The following ZNF468 variants were observed in gnomAD, a reference collection of about 807,000 sequenced individuals.
The protein encoded by ZNF468 is zinc finger protein ZNF468.
Under a neutral mutation model 7.2 loss-of-function variants are expected in ZNF468, and 8 were observed. That is an observed-to-expected ratio of 1.11 (90% CI 0.65 to 2.01). The LOEUF is 2.01. Ranked by LOEUF, ZNF468 falls within the 30% of genes most tolerant of loss-of-function variation. The pLI is 0.00. For missense variants in ZNF468, 608 were observed against 626.5 expected, an observed-to-expected ratio of 0.97 and a Z score of 0.31; for synonymous variants, 218 against 214.4, an observed-to-expected ratio of 1.02 and a Z score of -0.15.
At chr19:52,857,233 A>G (rs759009295) in intron 1 of ZNF468, among the ~76,000 whole-genome samples, 1,990 of 150,254 alleles carry the variant, frequency 0.013, 29 homozygotes, top group South Asian at 0.027. Flanking sequence ...CCAGGAGAGT[A>G]AGGCTGGGAG....
chr19:52,852,847 T>A (rs558480020), intron 2 of ZNF468, among the ~76,000 whole-genome samples: 23 of 146,160 alleles, frequency 1.6e-4, no homozygotes, highest in East Asian at 1.2e-3. Flanking sequence ...AATTTTTTTT[T>A]AATTTACAAT....
chr19:52,843,279 G>A lies in ZNF468; in HGVS notation c.143-1128C>T, dbSNP rs539266688. Among the ~76,000 whole-genome samples the A allele has an allele frequency of 2.5e-4, 38 of 152,004 alleles. No individual in the cohort carries two copies. In the South Asian group the frequency reaches 5.2e-3, roughly 21 times the overall value. ...GATAGAGTCTCACTCTGTCACCCAG[G>A]CTGGAATGCGATGGCACGATCTTGG... On this transcript the variant is annotated intron_variant, in intron 3 of 3. Transcript: ENST00000595646.
At chr19:52,844,617 C>A (rs8111425) in intron 3 of ZNF468, among the ~76,000 whole-genome samples, 5,807 of 152,112 alleles carry the variant, frequency 0.038, 381 homozygotes, top group African/African-American at 0.13. Flanking sequence ...TGGCTCACTG[C>A]AACCTCCACC....
rs146489202 is a variant in ZNF468 at position 52,849,088 on chromosome 19, C to G, written c.141G>C (p.Leu47=). 178 of 1,613,704 alleles carry G rather than the reference C, an allele frequency of 1.1e-4. 2 individuals carry two copies. In the African/African-American group the frequency reaches 2.0e-3, roughly 18 times the overall value. ...CCCCAGGAGGGAAGTTATCCTCACC[C>G]AGGGAGACGAGGTTCCTATAATTCT... The part of the protein sequence containing the change: ...MLENYRNLVS[L]DISSKCMLKT... The change falls in exon 3 of 4, where the codon CTG becomes CTC. Residue 47 remains leucine, a splice_region_variant and synonymous_variant. Transcript: ENST00000595646.
At position 52,840,355 on chromosome 19, in the gene ZNF468, T is replaced by C; in HGVS notation, c.*370A>G. The C allele has an allele frequency of 2.1e-6, 1 of 473,612 alleles. No homozygotes were observed. Among genetic ancestry groups the C allele is most frequent in the East Asian group, 4.6e-5 (1 of 21,526 alleles). The allele number at this position is 473,612 out of a possible 1,614,324, so 29.3% of individuals were successfully genotyped here. A position where few individuals can be genotyped will look rare whatever the true frequency, so the allele number is the denominator to read the frequency against. On this transcript the variant is annotated 3_prime_UTR_variant, in exon 4 of 4. Transcript: ENST00000595646. ...CCTTTTAATTACAAGGTGTGAATTT[T>C]GACCAACGGTCTTGCCACACTCATT...
At chr19:52,845,519 T>C (rs1269957955) in intron 3 of ZNF468, among the ~76,000 whole-genome samples, 3 of 150,944 alleles carry the variant, frequency 2.0e-5, no homozygotes, top group Non-Finnish European at 4.4e-5. Context: ...ATTAGCTGGG[T>C]ATAGTGGTGC....
intron 2 of ZNF468, among the ~76,000 whole-genome samples, chr19:52,851,314 C>T (rs1244128888): frequency 1.3e-5 from 2 of 151,758 alleles, no homozygotes; most frequent in South Asian, 2.1e-4. Context: ...AGGTGGCTCA[C>T]GCCTGTACTT....
Position 52,841,515 on chromosome 19 carries a change from C to G in ZNF468, c.779G>C (p.Cys260Ser). Residue 260 changes from cysteine (C) to serine (S), a missense_variant, in exon 4 of 4, where the codon TGC becomes TCC. Cys to Ser is a moderately radical substitution (Grantham distance 112). Transcript: ENST00000595646. ...KVFNQKRYLA[C>S]HRRCHTGEKP... The stretch of plus-strand genomic sequence containing the variant: ...CTCACCAGTGTGACATCTACGATGG[C>G]AGGCAAGGTATCGCTTCTGATTAAA... 2 of 1,614,124 alleles carry G rather than the reference C, an allele frequency of 1.2e-6. No homozygotes were observed. The highest frequency in any genetic ancestry group is 1.7e-6 in the Non-Finnish European group (2 of 1,180,028).
At chr19:52,857,487 G>C (rs1340712983) in intron 1 of ZNF468, 85 bp downstream of exon 1, 3 of 152,344 alleles carry the variant, frequency 2.0e-5, no homozygotes, top group Non-Finnish European at 2.9e-5. Flanking sequence ...AGAACTTCCA[G>C]GTCTATGGGG....
Position 52,849,112 on chromosome 19 carries a change from C to T in ZNF468, c.117G>A (p.Glu39=), listed in dbSNP as rs763480093. ...QRTLYRDVML[E]NYRNLVSLDI... is the part of the protein sequence containing the mutation. ...CCAGGGAGACGAGGTTCCTATAATT[C>T]TCCAGCATCACGTCCCTGTATAAAG... Residue 39 remains glutamate, a synonymous_variant, in exon 3 of 4, where the codon GAG becomes GAA. Coordinates refer to ENST00000595646, the MANE Select transcript of ZNF468 (RefSeq NM_001008801.2). 6.8e-6 allele frequency: 11 copies of T among 1,613,864 alleles called. No individual in the cohort carries two copies. In the East Asian group the frequency reaches 1.1e-4, roughly 16 times the overall value.
At chr19:52,855,513 C>G (rs1337369401) in intron 1 of ZNF468, among the ~76,000 whole-genome samples, 1 of 152,232 alleles carries the variant, frequency 6.6e-6, no homozygotes, top group Non-Finnish European at 1.5e-5. Flanking sequence ...GCTGTGGAGC[C>G]AAAGTGAAGA....
At chr19:52,854,144 T>G (rs770040031) in intron 2 of ZNF468, 114 bp downstream of exon 2, 1 of 1,597,882 alleles carries the variant, frequency 6.3e-7, no homozygotes, top group South Asian at 1.1e-5. Flanking sequence ...AAGGCATAAG[T>G]GAGGGTGAGC....
chr19:52,846,387 T>A (rs113182430), intron 3 of ZNF468, among the ~76,000 whole-genome samples: 13 of 152,098 alleles, frequency 8.5e-5, no homozygotes, highest in African/African-American at 2.9e-4. Flanking sequence ...TTTAGTAGAG[T>A]TGCAGTTTTC....
chr19:52,847,886 G>A (rs1471230575), intron 3 of ZNF468, among the ~76,000 whole-genome samples: 1 of 152,160 alleles, frequency 6.6e-6, no homozygotes, highest in Non-Finnish European at 1.5e-5. Context: ...GAACTCAAGA[G>A]ACTGGCACCG....
In ZNF468 at chr19:52,840,484, C is replaced by T; in HGVS notation, c.*241G>A. The stretch of plus-strand genomic sequence containing the variant: ...CAAACCTTACCTCTGTATGGTTTCT[C>T]TTCAATGTGAATTTTCTTATGTGTT... On this transcript the variant is annotated 3_prime_UTR_variant, in exon 4 of 4. Coordinates refer to ENST00000595646, the MANE Select transcript of ZNF468 (RefSeq NM_001008801.2). 1.2e-6 allele frequency: 1 copy of T among 864,000 alleles called. No individual in the cohort carries two copies. The highest frequency in any genetic ancestry group is 1.8e-6 in the Non-Finnish European group (1 of 544,710). The allele number at this position is 864,000 out of a possible 1,614,324, so 53.5% of individuals were successfully genotyped here.
chr19:52,840,758 G>A lies in ZNF468; in HGVS notation c.1536C>T (p.Tyr512=). Residue 512 remains tyrosine (Y), a synonymous_variant, in exon 4 of 4, where the codon TAC becomes TAT. Coordinates refer to ENST00000595646, the MANE Select transcript of ZNF468 (RefSeq NM_001008801.2). Reference sequence around the variant, plus strand: ...TCTCTCCACTATGAAGCCTATGATGGTATACAAGGGATGACATCTGACTGA... The same window carrying A: ...TCTCTCCACTATGAAGCCTATGATGATATACAAGGGATGACATCTGACTGA... ...KTFSQMSSLV[Y]HHRLHSGEKP is the part of the protein sequence containing the mutation. 1 of 1,613,604 alleles carries A rather than the reference G, an allele frequency of 6.2e-7. No homozygotes were observed. The highest frequency in any genetic ancestry group is 8.5e-7 in the Non-Finnish European group (1 of 1,179,886).
At position 52,840,770 on chromosome 19, in the gene ZNF468, T is replaced by C; in HGVS notation, c.1524A>G (p.Ser508=). ...GAAGCCTATGATGGTATACAAGGGA[T>C]GACATCTGACTGAAGGTCTTGCCAC... ...NECGKTFSQM[S]SLVYHHRLHS... is the part of the protein sequence containing the mutation. Residue 508 remains serine (S), a synonymous_variant, in exon 4 of 4, where the codon TCA becomes TCG. Transcript: ENST00000595646. 1 of 1,613,686 alleles carries C rather than the reference T, an allele frequency of 6.2e-7. No individual in the cohort carries two copies. Among genetic ancestry groups the C allele is most frequent in the Non-Finnish European group, 8.5e-7 (1 of 1,179,756 alleles).
At position 52,857,609 on chromosome 19, in the gene ZNF468, C is replaced by T. The variant is rs549035642; in HGVS notation, c.-111G>A. 2.6e-5 allele frequency: 4 copies of T among 152,612 alleles called. No individual in the cohort carries two copies. The highest frequency in any genetic ancestry group is 9.6e-5 in the African/African-American group (4 of 41,606). 9.5% of individuals were successfully genotyped at this position (152,612 alleles called of 1,614,324 possible). ...CGTGACCGTCATTCCACGGGATCCA[C>T]TTCCTGGTCTGCGCGAATCTGCGCG... On this transcript the variant is annotated 5_prime_UTR_variant, in exon 1 of 4. In the 5' UTR this introduces an upstream ATG that the reference lacks. Transcript: ENST00000595646.
At position 52,841,653 on chromosome 19, in the gene ZNF468, G is replaced by T. The variant is rs2063302730; in HGVS notation, c.641C>A (p.Ser214Tyr). 6.2e-7 allele frequency: 1 copy of T among 1,614,060 alleles called. No individual in the cohort carries two copies. The highest frequency in any genetic ancestry group is 2.2e-5 in the East Asian group (1 of 44,854). ...QKWEVHMREKSFECIQSFKSF... is the reference protein window; with the variant it reads ...QKWEVHMREKYFECIQSFKSF... ...TTTGAAGCTCTGTATACATTCAAAA[G>T]ATTTTTCTCTCATGTGTACTTCCCA... Residue 214 changes from serine (S) to tyrosine (Y), a missense_variant, in exon 4 of 4, where the codon TCT becomes TAT. Physicochemically the swap from Ser to Tyr is moderately radical, Grantham distance 144. Coordinates refer to ENST00000595646, the MANE Select transcript of ZNF468 (RefSeq NM_001008801.2).
Sources: gnomAD v4.1 joint callset for allele counts (sites outside exome capture counted in the v4.1 genomes callset) on GRCh38, gnomAD v4.1.1 for gene constraint, MANE v1.5 for transcripts, NCBI Gene and HGNC (gene_info 2026-07-23, HGNC 2026-07-21) for gene names.